Variants in PKIG observed in about 807,000 individuals in gnomAD.
PKIG encodes cAMP-dependent protein kinase inhibitor gamma, also known as protein kinase (cAMP-dependent, catalytic) inhibitor gamma.
In PKIG, 1 loss-of-function variant was observed where a neutral mutation model predicts 6.8. The observed-to-expected ratio is 0.15, with a 90% CI of 0.05 to 0.69. PKIG has a LOEUF of 0.69. Ranked by LOEUF, PKIG falls within the 30% of genes least tolerant of loss-of-function variation. PKIG has a pLI of 0.82. For synonymous variants in PKIG, 39 were observed against 43.0 expected (o/e 0.91, Z 0.36); for missense variants, 77 against 104.0 (o/e 0.74, Z 1.13).
chr20:44,608,018 A>G (rs2065182778), intron 2 of PKIG, among the ~76,000 whole-genome samples: 1 of 151,824 alleles, frequency 6.6e-6, no homozygotes. Flanking sequence ...TAAATAAAGG[A>G]AAAAGGAAGG....
chr20:44,616,980 T>G (rs1424194814), intron 3 of PKIG, among the ~76,000 whole-genome samples: 1 of 152,154 alleles, frequency 6.6e-6, no homozygotes, highest in African/African-American at 2.4e-5. Flanking sequence ...TGCTGCTTAT[T>G]GGAGGAGGTT....
intron 1 of PKIG, among the ~76,000 whole-genome samples, chr20:44,573,254 CCT>C (rs2064868641): frequency 6.6e-6 from 1 of 152,216 alleles, no homozygotes; most frequent in Non-Finnish European, 1.5e-5. Context: ...TAGTATATTT[CCT>C]TTGGAAAAAA....
chr20:44,537,485 C>A (rs866566110), intron 1 of PKIG, among the ~76,000 whole-genome samples: 7 of 151,706 alleles, frequency 4.6e-5, no homozygotes, highest in African/African-American at 7.2e-5. Context: ...CTGCCTGCCT[C>A]GGCCTCCCAA....
At chr20:44,608,089 G>T (rs2065183271) in intron 2 of PKIG, among the ~76,000 whole-genome samples, 2 of 152,208 alleles carry the variant, frequency 1.3e-5, no homozygotes, top group South Asian at 2.1e-4. Context: ...ACACCAAAAC[G>T]TGCTTGCCTT....
chr20:44,550,592 T>C (rs1451733768), intron 1 of PKIG, among the ~76,000 whole-genome samples: 2 of 152,122 alleles, frequency 1.3e-5, no homozygotes, highest in East Asian at 3.8e-4. Context: ...GTTGTCATGG[T>C]GGAGAAGGAC....
At chr20:44,567,820 A>G (rs1361018336) in intron 1 of PKIG, among the ~76,000 whole-genome samples, 2 of 152,138 alleles carry the variant, frequency 1.3e-5, no homozygotes, top group African/African-American at 2.4e-5. Context: ...CACCATTTTT[A>G]ATGGCCAGAC....
At chr20:44,583,982 G>T (rs2064968921) in intron 1 of PKIG, among the ~76,000 whole-genome samples, 1 of 152,120 alleles carries the variant, frequency 6.6e-6, no homozygotes, top group Non-Finnish European at 1.5e-5. Flanking sequence ...AAAAGTCTCA[G>T]TGGTAACTGT....
At chr20:44,558,574 T>TTTTCTTTTTCTTTC (rs1555835147) in intron 1 of PKIG, among the ~76,000 whole-genome samples, 12 of 132,002 alleles carry the variant, frequency 9.1e-5, no homozygotes, top group Admixed American at 4.1e-4. Context: ...TTTTTTTCTT[T>TTTTCTTTTTCTTTC]TTTCTTTCTT....
Position 44,595,373 on chromosome 20 carries a change from G to A in PKIG, c.-24+5507G>A, listed in dbSNP as rs150180074. On this transcript the variant is annotated intron_variant, in intron 2 of 3. Transcript: ENST00000372886. ...TCCCTTGGCCACCAGCCTCTCAGAT[G>A]CCAGAATCTTGAGAGAGCACACCAG... Among the ~76,000 whole-genome samples, 1,096 of 152,320 alleles carry A rather than the reference G, an allele frequency of 7.2e-3. 10 individuals carry two copies. Among genetic ancestry groups the A allele is most frequent in the Non-Finnish European group, 7.9e-3 (538 of 68,034 alleles).
chr20:44,584,522 T>A (rs1245835456), intron 1 of PKIG, among the ~76,000 whole-genome samples: 1 of 150,480 alleles, frequency 6.6e-6, no homozygotes, highest in Non-Finnish European at 1.5e-5. Flanking sequence ...AGACGTCAGA[T>A]CTTGAATTTT....
At chr20:44,573,541 T>G (rs1394982773) in intron 1 of PKIG, among the ~76,000 whole-genome samples, 3 of 152,224 alleles carry the variant, frequency 2.0e-5, no homozygotes, top group Non-Finnish European at 4.4e-5. Flanking sequence ...ATGAGAAAAT[T>G]TATGTAAAGG....
upstream of PKIG, among the ~76,000 whole-genome samples, chr20:44,578,174 A>G (rs1340155493): frequency 1.3e-5 from 2 of 151,480 alleles, no homozygotes; most frequent in African/African-American, 2.4e-5. Context: ...CCCCATCTCT[A>G]CTAAGCATAC....
At chr20:44,556,822 G>A (rs1472021244) in intron 1 of PKIG, among the ~76,000 whole-genome samples, 1 of 151,788 alleles carries the variant, frequency 6.6e-6, no homozygotes, top group Non-Finnish European at 1.5e-5. Context: ...AGATATATAG[G>A]TTTAAGTCTC....
At chr20:44,551,894 A>G (rs188807798) in intron 1 of PKIG, among the ~76,000 whole-genome samples, 2 of 152,294 alleles carry the variant, frequency 1.3e-5, no homozygotes, top group African/African-American at 2.4e-5. Flanking sequence ...GTTGTATTCT[A>G]CCACCACCAC....
At chr20:44,578,214 G>A (rs867325258), upstream of PKIG, among the ~76,000 whole-genome samples, 9 of 151,394 alleles carry the variant, frequency 5.9e-5, no homozygotes, top group African/African-American at 9.7e-5. Flanking sequence ...GGTGGTGGGC[G>A]CCTGTAGTCC....
chr20:44,567,787 A>G (rs2064822400), intron 1 of PKIG, among the ~76,000 whole-genome samples: 1 of 152,246 alleles, frequency 6.6e-6, no homozygotes. Context: ...CCCGGCTGAC[A>G]GAGTGTGGCT....
intron 1 of PKIG, among the ~76,000 whole-genome samples, chr20:44,557,104 G>T (rs2064719494): frequency 6.6e-6 from 1 of 152,148 alleles, no homozygotes. Context: ...GGGATTTTCA[G>T]TGTATTTAGA....
intron 2 of PKIG, among the ~76,000 whole-genome samples, chr20:44,596,368 G>C (rs2065075138): frequency 6.6e-6 from 1 of 152,236 alleles, no homozygotes; most frequent in Non-Finnish European, 1.5e-5. Context: ...TACGCCCCAG[G>C]CTGCCAGGAA....
chr20:44,584,486 T>C (rs1600872941), intron 1 of PKIG, among the ~76,000 whole-genome samples: 2 of 126,992 alleles, frequency 1.6e-5, no homozygotes, highest in African/African-American at 6.5e-5. Context: ...ACAGCCAGAG[T>C]GCAAAAAAAA....
Sources: gnomAD v4.1 joint callset for allele counts (sites outside exome capture counted in the v4.1 genomes callset) on GRCh38, gnomAD v4.1.1 for gene constraint, MANE v1.5 for transcripts, NCBI Gene and HGNC (gene_info 2026-07-23, HGNC 2026-07-21) for gene names.